Variants in NOS1 observed in about 807,000 individuals in gnomAD.
The protein encoded by NOS1 is NOS type I.
A neutral mutation model predicts 164.5 loss-of-function variants in NOS1; 51 were observed. The observed-to-expected ratio is 0.31, with a 90% confidence interval of 0.25 to 0.39. NOS1 has a LOEUF of 0.39. NOS1 is among the 10% of genes least tolerant of loss of function. NOS1 has a pLI of 1.00. For synonymous variants in NOS1, 719 were observed against 745.8 expected (o/e 0.96, Z 0.59); for missense variants, 1,362 against 1,885.6 (o/e 0.72, Z 5.14).
intron 21 of NOS1, among the ~76,000 whole-genome samples, chr12:117,233,117 G>A (rs1466244826): frequency 7.2e-6 from 1 of 139,238 alleles, no homozygotes; most frequent in East Asian, 2.2e-4. Context: ...GTGTGATCTT[G>A]GCTCACTGCA....
At chr12:117,332,485 G>T (rs1875594269) in intron 1 of NOS1, among the ~76,000 whole-genome samples, 1 of 152,128 alleles carries the variant, frequency 6.6e-6, no homozygotes, top group Non-Finnish European at 1.5e-5. Context: ...TCAGCAGTTT[G>T]GGAGGCTGAG....
chr12:117,307,928 T>C (rs1220153012), intron 3 of NOS1, among the ~76,000 whole-genome samples: 2 of 151,676 alleles, frequency 1.3e-5, no homozygotes, highest in African/African-American at 2.4e-5. Flanking sequence ...GGGGGGAGGA[T>C]TGCTTGAACC....
intron 20 of NOS1, among the ~76,000 whole-genome samples, chr12:117,238,220 T>C (rs1030570622): frequency 6.6e-6 from 1 of 152,018 alleles, no homozygotes; most frequent in African/African-American, 2.4e-5. Context: ...AGTGACAGGC[T>C]TCAATTTATG....
chr12:117,321,907 T>C (rs1462041600), intron 2 of NOS1, among the ~76,000 whole-genome samples: 2 of 151,548 alleles, frequency 1.3e-5, no homozygotes, highest in Non-Finnish European at 2.9e-5. Context: ...AATCCTTCCT[T>C]CCTTCCCTCC....
chr12:117,283,015 GCA>G (rs1371846959), intron 7 of NOS1, among the ~76,000 whole-genome samples: 1 of 146,450 alleles, frequency 6.8e-6, no homozygotes, highest in East Asian at 2.0e-4. Context: ...TCCCCTCTAT[GCA>G]CAGATTATTC....
At chr12:117,232,283 A>G (rs1869306627) in intron 21 of NOS1, 152 bp from the exon 22 acceptor site, 2 of 635,196 alleles carry the variant, frequency 3.1e-6, no homozygotes, top group Non-Finnish European at 5.3e-6. Flanking sequence ...TTCCATGCCC[A>G]GAATCCAGGG....
chr12:117,302,318 G>A (rs1279261196), intron 3 of NOS1, among the ~76,000 whole-genome samples: 3 of 152,110 alleles, frequency 2.0e-5, no homozygotes, highest in African/African-American at 4.8e-5. Flanking sequence ...GTTGTCGGCC[G>A]GCGCGGTGGC....
intron 24 of NOS1, among the ~76,000 whole-genome samples, chr12:117,226,209 G>A (rs527982782): frequency 3.1e-4 from 47 of 152,280 alleles, no homozygotes; most frequent in Non-Finnish European, 3.4e-4. Context: ...GTTATTGATC[G>A]ACAAAACAGG....
intron 9 of NOS1, among the ~76,000 whole-genome samples, chr12:117,273,462 G>A (rs921635883): frequency 6.6e-6 from 1 of 152,278 alleles, no homozygotes; most frequent in East Asian, 1.9e-4. Flanking sequence ...ATCCTTGGGT[G>A]TAAAATTTAA....
intron 17 of NOS1, among the ~76,000 whole-genome samples, chr12:117,251,834 C>T (rs1399348379): frequency 1.3e-5 from 2 of 152,008 alleles, no homozygotes; most frequent in African/African-American, 2.4e-5. Flanking sequence ...CAGGCTCAAG[C>T]GATCTTCCCA....
At chr12:117,335,283 T>TG (rs1173021124) in intron 1 of NOS1, among the ~76,000 whole-genome samples, 4 of 151,842 alleles carry the variant, frequency 2.6e-5, no homozygotes, top group African/African-American at 9.7e-5. Context: ...CCGGTCTGGG[T>TG]GGGGGGCACC....
chr12:117,290,720 C>G (rs531278402), intron 3 of NOS1, among the ~76,000 whole-genome samples: 7 of 152,190 alleles, frequency 4.6e-5, no homozygotes, highest in Admixed American at 2.6e-4. Context: ...GTCGGACACA[C>G]TGAGGAAGGA....
chr12:117,325,454 G>A (rs565290658), intron 2 of NOS1, among the ~76,000 whole-genome samples: 1 of 152,206 alleles, frequency 6.6e-6, no homozygotes, highest in South Asian at 2.1e-4. Flanking sequence ...GGGTGCTCCT[G>A]GCATTGTAGT....
chr12:117,218,065 T>A lies in NOS1; in HGVS notation c.4270A>T (p.Ser1424Cys), dbSNP rs749147277. Residue 1424 changes from serine to cysteine, a missense_variant, in exon 28 of 29, where the codon AGC becomes TGC. By Grantham distance (112) the Ser-to-Cys change is moderately radical. Coordinates refer to ENST00000317775, the MANE Select transcript of NOS1 (RefSeq NM_000620.5). ...RSESIAFIEE[S>C]KKDTDEVFSS ...GCTTACTCATCGGTGTCTTTTTTGCTCTCTTCAATGAAGGCAATGGACTCA... is the reference window on the plus strand; with the variant it reads ...GCTTACTCATCGGTGTCTTTTTTGCACTCTTCAATGAAGGCAATGGACTCA... 1.2e-6 allele frequency: 2 copies of A among 1,613,852 alleles called. No individual in the cohort carries two copies. Among genetic ancestry groups the A allele is most frequent in the Non-Finnish European group, 1.7e-6 (2 of 1,179,800 alleles).
intron 1 of NOS1, among the ~76,000 whole-genome samples, chr12:117,332,286 T>C (rs990747770): frequency 6.6e-6 from 1 of 152,174 alleles, no homozygotes; most frequent in Non-Finnish European, 1.5e-5. Context: ...TATTTCTCCT[T>C]TGATCCTCAC....
chr12:117,253,690 C>T lies in NOS1; in HGVS notation c.2596G>A (p.Gly866Arg), dbSNP rs770762852. ...TCAAAGTTGTCTCTGAGGTCGGGCCCATCGCCTGATGATTTTTGGGAGTCA... is the reference window on the plus strand; with the variant it reads ...TCAAAGTTGTCTCTGAGGTCGGGCCTATCGCCTGATGATTTTTGGGAGTCA... Reference protein sequence around the residue: ...YSDSQKSSGDGPDLRDNFESA... With the variant: ...YSDSQKSSGDRPDLRDNFESA... Residue 866 changes from glycine (G) to arginine (R), a missense_variant, in exon 17 of 29, where the codon GGG becomes AGG. Gly to Arg is a moderately radical substitution (Grantham distance 125, BLOSUM62 -2). Transcript: ENST00000317775. 21 of 1,613,964 alleles carry T rather than the reference C, an allele frequency of 1.3e-5. No homozygotes were observed. Among genetic ancestry groups the T allele is most frequent in the South Asian group, 2.2e-5 (2 of 91,070 alleles).
At position 117,275,429 on chromosome 12, in the gene NOS1, T is replaced by C. The variant is rs1015411473; in HGVS notation, c.1664+2530A>G. Among the ~76,000 whole-genome samples, 9 of 152,112 alleles carry C rather than the reference T, an allele frequency of 5.9e-5. No homozygotes were observed. The East Asian group carries it at 1.4e-3, about 23-fold the overall frequency. On this transcript the variant is annotated intron_variant, in intron 9 of 28. Transcript: ENST00000317775. ...GTTAAACACTGAATATTCTCACTCATAGGTAGAAGCTACAAAAAAAGTTGA... is the reference window on the plus strand; with the variant it reads ...GTTAAACACTGAATATTCTCACTCACAGGTAGAAGCTACAAAAAAAGTTGA...
chr12:117,264,971 G>A (rs1354195289), intron 12 of NOS1, among the ~76,000 whole-genome samples: 1 of 151,520 alleles, frequency 6.6e-6, no homozygotes, highest in Non-Finnish European at 1.5e-5. Flanking sequence ...CCAAAGTGCT[G>A]GGATCACAGG....
At chr12:117,315,021 CT>C (rs1249336131) in intron 2 of NOS1, among the ~76,000 whole-genome samples, 1 of 152,240 alleles carries the variant, frequency 6.6e-6, no homozygotes, top group East Asian at 1.9e-4. Flanking sequence ...CTACAATTAC[CT>C]AGGCAACTTG....
Sources: allele counts gnomAD v4.1 joint callset (sites outside exome capture counted in the v4.1 genomes callset), GRCh38; gene constraint gnomAD v4.1.1; transcripts MANE v1.5; gene names NCBI Gene and HGNC (gene_info 2026-07-23, HGNC 2026-07-21).